TMEM132D: variants seen among roughly 807,000 people sequenced by gnomAD.
The protein encoded by TMEM132D is mature OL transmembrane protein.
In TMEM132D, 21 loss-of-function variants were observed where a neutral mutation model predicts 62.3. The ratio of observed to expected loss-of-function variants is 0.34; its 90% CI spans 0.24 to 0.49. The LOEUF (loss-of-function observed/expected upper bound fraction) is 0.49, where lower values mean the gene tolerates loss of function less well. Ranked by LOEUF, TMEM132D falls within the 20% of genes least tolerant of loss-of-function variation. TMEM132D has a pLI of 0.99. For missense variants in TMEM132D, 1,346 were observed against 1,402.8 expected (o/e 0.96, Z 0.65); for synonymous variants, 621 against 575.6 (o/e 1.08, Z -1.13).
chr12:129,078,753 A>C lies in TMEM132D; in HGVS notation c.1924-28T>G, dbSNP rs139961902. The C allele has an allele frequency of 1.3e-4, 203 of 1,606,342 alleles. No homozygotes were observed. The East Asian group carries it at 4.3e-3, about 34-fold the overall frequency. On this transcript the variant is annotated intron_variant, in intron 7 of 8. Coordinates refer to ENST00000422113, the MANE Select transcript of TMEM132D (RefSeq NM_133448.3). ...GGAGGGCAGAAGCGACATGACAAGG[A>C]AAGGCTTTCTGTGGTCCAGGCAATG...
At chr12:129,354,684 T>C (rs969233012) in intron 3 of TMEM132D, among the ~76,000 whole-genome samples, 7 of 152,210 alleles carry the variant, frequency 4.6e-5, no homozygotes, top group African/African-American at 1.7e-4. Context: ...TCTTACCCCA[T>C]GTAATCTTCA....
chr12:129,328,509 A>G lies in TMEM132D; in HGVS notation c.1299+9125T>C, dbSNP rs562003955. ...TTTTGTACTATGGGCCTTTAAAAGCATTGAAGTTCAGCCGACACCGCCATC... is the reference window on the plus strand; with the variant it reads ...TTTTGTACTATGGGCCTTTAAAAGCGTTGAAGTTCAGCCGACACCGCCATC... On this transcript the variant is annotated intron_variant, in intron 4 of 8. Coordinates refer to ENST00000422113, the MANE Select transcript of TMEM132D (RefSeq NM_133448.3). Among the ~76,000 whole-genome samples the G allele has an allele frequency of 1.1e-4, 16 of 152,332 alleles. No homozygotes were observed. The South Asian group carries it at 3.3e-3, about 32-fold the overall frequency.
At chr12:129,859,601 A>T (rs1033720605) in intron 1 of TMEM132D, among the ~76,000 whole-genome samples, 5 of 152,182 alleles carry the variant, frequency 3.3e-5, no homozygotes, top group African/African-American at 1.2e-4. Flanking sequence ...ACCCACCCTC[A>T]GTGTGGGCGG....
chr12:129,706,584 G>C (rs1338050256), intron 1 of TMEM132D, among the ~76,000 whole-genome samples: 1 of 151,926 alleles, frequency 6.6e-6, no homozygotes, highest in African/African-American at 2.4e-5. Flanking sequence ...GACTTATGAA[G>C]TATAGAAAAG....
chr12:129,184,872 G>C (rs1475377728), intron 5 of TMEM132D, among the ~76,000 whole-genome samples: 1 of 151,834 alleles, frequency 6.6e-6, no homozygotes, highest in Non-Finnish European at 1.5e-5. Context: ...GGGTGAGGGT[G>C]GGGGTGGGAG....
At chr12:129,494,986 C>T (rs970290778) in intron 3 of TMEM132D, among the ~76,000 whole-genome samples, 6 of 152,302 alleles carry the variant, frequency 3.9e-5, no homozygotes, top group African/African-American at 1.4e-4. Flanking sequence ...AGTGAGCAGG[C>T]ACATACGCTT....
intron 3 of TMEM132D, among the ~76,000 whole-genome samples, chr12:129,411,944 G>T (rs61943085): frequency 6.6e-6 from 1 of 152,142 alleles, no homozygotes; most frequent in Admixed American, 6.5e-5. Context: ...GAATAGGGTT[G>T]TTTAATCCTC....
At chr12:129,345,610 A>G (rs1269445248) in intron 3 of TMEM132D, among the ~76,000 whole-genome samples, 2 of 152,182 alleles carry the variant, frequency 1.3e-5, no homozygotes, top group African/African-American at 4.8e-5. Flanking sequence ...GGAAAATGGG[A>G]TGAAATATCA....
intron 3 of TMEM132D, among the ~76,000 whole-genome samples, chr12:129,468,622 T>A (rs1210859763): frequency 6.6e-6 from 1 of 152,146 alleles, no homozygotes; most frequent in Non-Finnish European, 1.5e-5. Context: ...AAGACATTAA[T>A]AAAAAAGCAA....
At chr12:129,149,176 A>G (rs1401757426) in intron 5 of TMEM132D, among the ~76,000 whole-genome samples, 2 of 148,374 alleles carry the variant, frequency 1.3e-5, no homozygotes, top group Admixed American at 6.7e-5. Context: ...GAGTTGAACA[A>G]TGAGAACACA....
intron 2 of TMEM132D, among the ~76,000 whole-genome samples, chr12:129,656,880 C>T (rs1436581398): frequency 2.0e-5 from 3 of 152,188 alleles, no homozygotes; most frequent in African/African-American, 7.2e-5. Flanking sequence ...GACTCAAACT[C>T]AGACACCCTC....
intron 3 of TMEM132D, among the ~76,000 whole-genome samples, chr12:129,501,957 T>G (rs1246115697): frequency 6.6e-6 from 1 of 152,026 alleles, no homozygotes; most frequent in Non-Finnish European, 1.5e-5. Context: ...ATCTGTGAAA[T>G]GAACATCCCA....
At chr12:129,257,456 G>C (rs182832443) in intron 4 of TMEM132D, among the ~76,000 whole-genome samples, 4,698 of 152,150 alleles carry the variant, frequency 0.031, 97 homozygotes, top group Non-Finnish European at 0.048. Context: ...TGATCTGCCC[G>C]CCTCGGCCTC....
intron 1 of TMEM132D, among the ~76,000 whole-genome samples, chr12:129,770,774 T>G (rs114577112): frequency 0.012 from 1,823 of 152,300 alleles, 41 homozygotes; most frequent in African/African-American, 0.042. Context: ...AATAAAGTCT[T>G]GAATAGCTCA....
intron 2 of TMEM132D, among the ~76,000 whole-genome samples, chr12:129,587,847 T>C (rs941966279): frequency 3.9e-5 from 6 of 152,160 alleles, no homozygotes; most frequent in Non-Finnish European, 8.8e-5. Context: ...CTATTGATGA[T>C]ATAAAAAATA....
chr12:129,340,269 A>G (rs925283091), intron 3 of TMEM132D, among the ~76,000 whole-genome samples: 1 of 151,918 alleles, frequency 6.6e-6, no homozygotes, highest in Non-Finnish European at 1.5e-5. Context: ...TGCCCTCTCT[A>G]TGAAGTGGTG....
At chr12:129,285,521 T>C in intron 4 of TMEM132D, among the ~76,000 whole-genome samples, 1 of 2,410 alleles carries the variant, frequency 4.1e-4, no homozygotes, top group Non-Finnish European at 0.012. Context: ...AGTGAGACTG[T>C]GTCTCAAAAA....
At position 129,074,634 on chromosome 12, in the gene TMEM132D, C is replaced by A. The variant is rs2135603937; in HGVS notation, c.2541G>T (p.Met847Ile). ...TGGTGCCCCGTCCCTCCATGAGTCC[C>A]ATAGAAGAACTGCCATAGTACTGTC... ...QEGQYYGSSS[M>I]GLMEGRGTTT... Residue 847 changes from methionine to isoleucine, a missense_variant, in exon 9 of 9, where the codon ATG becomes ATT. By Grantham distance (10) the Met-to-Ile change is conservative. Coordinates refer to ENST00000422113, the MANE Select transcript of TMEM132D (RefSeq NM_133448.3). 1 of 1,614,092 alleles carries A rather than the reference C, an allele frequency of 6.2e-7. No homozygotes were observed. The highest frequency in any genetic ancestry group is 8.5e-7 in the Non-Finnish European group (1 of 1,180,018).
At chr12:129,531,851 G>A (rs1472152) in intron 2 of TMEM132D, among the ~76,000 whole-genome samples, 99,609 of 151,954 alleles carry the variant, frequency 0.66, 32,975 homozygotes, top group African/African-American at 0.74. Context: ...TTCCAATTCA[G>A]GTTTCTAAAA....
Sources: allele counts gnomAD v4.1 joint callset (sites outside exome capture counted in the v4.1 genomes callset), GRCh38; gene constraint gnomAD v4.1.1; transcripts MANE v1.5; gene names NCBI Gene and HGNC (gene_info 2026-07-23, HGNC 2026-07-21).